The following LRP1B variants were observed in gnomAD, a reference collection of about 807,000 sequenced individuals.
The protein encoded by LRP1B is LDL receptor related protein 1B, also known as low-density lipoprotein receptor-related protein 1B.
Under a neutral mutation model 556.6 loss-of-function variants are expected in LRP1B, and 217 were observed. The ratio of observed to expected loss-of-function variants is 0.39; its 90% CI spans 0.35 to 0.44. The LOEUF (loss-of-function observed/expected upper bound fraction) is 0.44. LRP1B is among the 20% of genes least tolerant of loss of function. The probability of loss-of-function intolerance (pLI) is 1.00; values close to 1 mark genes in which losing one functional copy is unlikely to be tolerated. For synonymous variants in LRP1B, 2,047 were observed against 1,865.8 expected, an observed-to-expected ratio of 1.10 and a Z score of -2.50; for missense variants, 5,053 against 5,620.8, an observed-to-expected ratio of 0.90 and a Z score of 3.23.
At chr2:141,265,526 C>T (rs188407364) in intron 3 of LRP1B, among the ~76,000 whole-genome samples, 97 of 152,268 alleles carry the variant, frequency 6.4e-4, no homozygotes, top group Non-Finnish European at 1.2e-3. Context: ...TTTGTTCTTT[C>T]TACTGAACGT....
At chr2:141,033,033 TG>T (rs1193723706) in intron 11 of LRP1B, among the ~76,000 whole-genome samples, 1 of 151,756 alleles carries the variant, frequency 6.6e-6, no homozygotes, top group Non-Finnish European at 1.5e-5. Context: ...GAGACAGTAC[TG>T]AGGAAAACTT....
chr2:141,829,719 G>A (rs1430865253), intron 1 of LRP1B, among the ~76,000 whole-genome samples: 1 of 151,802 alleles, frequency 6.6e-6, no homozygotes, highest in East Asian at 1.9e-4. Flanking sequence ...CCCCCAATAG[G>A]ATTTGGATCA....
intron 1 of LRP1B, among the ~76,000 whole-genome samples, chr2:141,974,929 C>T (rs1339782474): frequency 6.6e-6 from 1 of 152,036 alleles, no homozygotes; most frequent in Non-Finnish European, 1.5e-5. Flanking sequence ...TGTTTTCCCC[C>T]TCTTTATACA....
intron 3 of LRP1B, among the ~76,000 whole-genome samples, chr2:141,457,316 T>C (rs935086742): frequency 6.6e-6 from 1 of 152,114 alleles, no homozygotes; most frequent in Non-Finnish European, 1.5e-5. Context: ...GGGTAAAATA[T>C]GATAAGCTCA....
intron 68 of LRP1B, among the ~76,000 whole-genome samples, chr2:140,377,357 A>G (rs1473755027): frequency 6.6e-6 from 1 of 152,012 alleles, no homozygotes; most frequent in Non-Finnish European, 1.5e-5. Context: ...TTACAGGCGT[A>G]AGCCACCATG....
At position 140,471,434 on chromosome 2, in the gene LRP1B, C is replaced by T. The variant is rs557288848; in HGVS notation, c.9625+3704G>A. ...ACTATTAATTCTTTTTAAAAATGTA[C>T]AAATATATGCAAAACTAATAAGTCA... On this transcript the variant is annotated intron_variant, in intron 60 of 90. Transcript: ENST00000389484. Among the ~76,000 whole-genome samples the T allele has an allele frequency of 2.0e-5, 3 of 152,154 alleles. No homozygotes were observed. In the South Asian group the frequency reaches 6.2e-4, roughly 32 times the overall value.
chr2:141,063,746 C>T (rs1447218297), intron 7 of LRP1B, among the ~76,000 whole-genome samples: 3 of 151,878 alleles, frequency 2.0e-5, no homozygotes, highest in Non-Finnish European at 2.9e-5. Context: ...CTCTTTCTTA[C>T]TATAGAACAG....
At chr2:142,037,641 AC>A (rs1299621788) in intron 1 of LRP1B, among the ~76,000 whole-genome samples, 1 of 151,654 alleles carries the variant, frequency 6.6e-6, no homozygotes, top group Non-Finnish European at 1.5e-5. Context: ...CTGAGTGCAA[AC>A]ATCTGATTTC....
rs546086949 is a variant in LRP1B, at chr2:140,581,067, T to C, written c.7194+17564A>G. 6.6e-4 allele frequency among the ~76,000 whole-genome samples: 100 copies of C among 152,202 alleles called. 1 individual carries two copies. The Middle Eastern group carries it at 0.017, about 26-fold the overall frequency. On this transcript the variant is annotated intron_variant, in intron 43 of 90. Coordinates refer to ENST00000389484, the MANE Select transcript of LRP1B (RefSeq NM_018557.3). Reference sequence around the variant, plus strand: ...TATGGCAGTATATCAGCAGGGTGAGTCCTCCAGGAGCATGAGTTACAGACA... The same window carrying C: ...TATGGCAGTATATCAGCAGGGTGAGCCCTCCAGGAGCATGAGTTACAGACA...
chr2:141,091,994 T>C (rs1007106706), intron 7 of LRP1B, among the ~76,000 whole-genome samples: 6 of 152,256 alleles, frequency 3.9e-5, no homozygotes, highest in African/African-American at 1.4e-4. Flanking sequence ...TAAATGTATG[T>C]ATAGCTCACA....
chr2:141,464,950 A>T (rs1280945475), intron 3 of LRP1B, among the ~76,000 whole-genome samples: 1 of 152,136 alleles, frequency 6.6e-6, no homozygotes, highest in African/African-American at 2.4e-5. Flanking sequence ...ATAGCAATAA[A>T]AAAAAGGTTT....
At chr2:140,748,171 T>C (rs1688391770) in intron 35 of LRP1B, among the ~76,000 whole-genome samples, 1 of 135,136 alleles carries the variant, frequency 7.4e-6, no homozygotes, top group African/African-American at 2.7e-5. Flanking sequence ...TTCATATATA[T>C]TATATATTCA....
At chr2:141,640,163 A>G (rs1043502142) in intron 2 of LRP1B, among the ~76,000 whole-genome samples, 6 of 152,206 alleles carry the variant, frequency 3.9e-5, no homozygotes, top group Non-Finnish European at 8.8e-5. Flanking sequence ...TGCTGAAGTG[A>G]GAACCAAGAT....
At chr2:140,381,861 CAAAAAAAAAAAAA>C (rs56723132) in intron 67 of LRP1B, among the ~76,000 whole-genome samples, 1 of 64,214 alleles carries the variant, frequency 1.6e-5, no homozygotes, top group African/African-American at 5.3e-5. Context: ...GGCTCCCTTT[CAAAAAAAAAAAAA>C]AAAAAAAAAA....
In LRP1B at chr2:140,315,336, A is replaced by G. The variant is rs185525623; in HGVS notation, c.12641-237T>C. 2.3e-3 allele frequency among the ~76,000 whole-genome samples: 343 copies of G among 152,278 alleles called. 2 individuals are homozygous for G. The highest frequency in any genetic ancestry group is 3.4e-3 in the Middle Eastern group (1 of 294). On this transcript the variant is annotated intron_variant, in intron 82 of 90. Transcript: ENST00000389484. Reference sequence around the variant, plus strand: ...TCTTCTTTAAATTTAAAGCATTATTAACCTTTTCTTGTATTTGTAAAATAC... The same window carrying G: ...TCTTCTTTAAATTTAAAGCATTATTGACCTTTTCTTGTATTTGTAAAATAC...
At chr2:141,300,767 A>C (rs1316127830) in intron 3 of LRP1B, among the ~76,000 whole-genome samples, 1 of 152,160 alleles carries the variant, frequency 6.6e-6, no homozygotes, top group Non-Finnish European at 1.5e-5. Flanking sequence ...CCTCCTCAGA[A>C]TCAGAAGCCG....
chr2:141,611,702 A>G (rs1688113084), intron 2 of LRP1B, among the ~76,000 whole-genome samples: 1 of 152,194 alleles, frequency 6.6e-6, no homozygotes, highest in Non-Finnish European at 1.5e-5. Flanking sequence ...TGGCCTCTAG[A>G]TGTGGTGCGG....
At chr2:142,026,575 A>T (rs1318065919) in intron 1 of LRP1B, among the ~76,000 whole-genome samples, 1 of 152,092 alleles carries the variant, frequency 6.6e-6, no homozygotes, top group Non-Finnish European at 1.5e-5. Flanking sequence ...CCAATTAGGT[A>T]AGTTTACTGA....
chr2:141,502,625 C>T (rs575997981), intron 2 of LRP1B, among the ~76,000 whole-genome samples: 2 of 152,140 alleles, frequency 1.3e-5, no homozygotes, highest in Non-Finnish European at 2.9e-5. Context: ...CTTTGGGAGG[C>T]TGAGGTGGGC....
Sources: gnomAD v4.1 joint callset for allele counts (sites outside exome capture counted in the v4.1 genomes callset) on GRCh38, gnomAD v4.1.1 for gene constraint, MANE v1.5 for transcripts, NCBI Gene and HGNC (gene_info 2026-07-23, HGNC 2026-07-21) for gene names.